Variants in HNRNPUL1 observed in about 807,000 individuals in gnomAD.
The protein encoded by HNRNPUL1 is heterogeneous nuclear ribonucleoprotein U-like protein 1.
HNRNPUL1 carries 14 observed loss-of-function variants against 108.5 expected under a neutral mutation model. The ratio of observed to expected loss-of-function variants is 0.13; its 90% confidence interval spans 0.09 to 0.20. HNRNPUL1 has a LOEUF of 0.20. Among genes scored for constraint, HNRNPUL1 ranks in the 10% least tolerant of loss-of-function variants. The pLI, the probability that HNRNPUL1 is intolerant of heterozygous loss-of-function variation, is 1.00. For synonymous variants in HNRNPUL1, 422 were observed against 445.2 expected (o/e 0.95, Z 0.66); for missense variants, 804 against 1,168.3 (o/e 0.69, Z 4.55).
In HNRNPUL1 at chr19:41,272,213, T is replaced by G; in HGVS notation, c.550T>G (p.Phe184Val). The G allele has an allele frequency of 6.2e-7, 1 of 1,613,704 alleles. No individual in the cohort carries two copies. The highest frequency in any genetic ancestry group is 8.5e-7 in the Non-Finnish European group (1 of 1,179,884). The change falls in exon 3 of 15, where the codon TTT (phenylalanine) becomes GTT (valine). Residue 184 changes from phenylalanine (F) to valine (V), a missense_variant. Phe to Val is a conservative substitution (Grantham distance 50, BLOSUM62 -1). This residue lies in a region of HNRNPUL1 where 256 missense variants were observed against 261.6 expected (regional missense o/e 0.98). Transcript: ENST00000392006. ...TGAAGAAAACCGGGGACGGGGGTAC[T>G]TTGAGCACCGAGAGGATAGGAGGTG... ...PYEENRGRGY[F>V]EHREDRRGRS...
intron 4 of HNRNPUL1, among the ~76,000 whole-genome samples, chr19:41,275,918 C>G (rs1191235598): frequency 1.3e-5 from 2 of 152,114 alleles, no homozygotes; most frequent in Non-Finnish European, 2.9e-5. Flanking sequence ...GCCTGGCCAA[C>G]ATGGAGAAAC....
chr19:41,269,017 G>A (rs2035040035), intron 2 of HNRNPUL1, among the ~76,000 whole-genome samples: 1 of 152,052 alleles, frequency 6.6e-6, no homozygotes, highest in South Asian at 2.1e-4. Context: ...TGTTTCAGGG[G>A]ATATTATTAG....
intron 1 of HNRNPUL1, chr19:41,265,116 C>G (rs996193965): frequency 3.2e-5 from 45 of 1,419,030 alleles, no homozygotes; most frequent in Non-Finnish European, 4.1e-5. Context: ...GTCGGAAGAA[C>G]AAGAGGTTTT....
At chr19:41,264,132 C>T (rs1466238302), upstream of HNRNPUL1, among the ~76,000 whole-genome samples, 1 of 152,246 alleles carries the variant, frequency 6.6e-6, no homozygotes, top group Non-Finnish European at 1.5e-5. Context: ...GCGAGAGTTA[C>T]CCAATCAGCA....
chr19:41,266,097 A>G (rs2082468235), intron 1 of HNRNPUL1, among the ~76,000 whole-genome samples: 1 of 152,066 alleles, frequency 6.6e-6, no homozygotes, highest in South Asian at 2.1e-4. Flanking sequence ...GTCTGAGGAG[A>G]GGAAAACCTG....
chr19:41,266,377 C>G (rs963524556), intron 1 of HNRNPUL1, among the ~76,000 whole-genome samples: 1 of 152,006 alleles, frequency 6.6e-6, no homozygotes, highest in Non-Finnish European at 1.5e-5. Context: ...AGGTTGCAGT[C>G]AGCCGAGATT....
chr19:41,299,505 C>A (rs1477403278), intron 10 of HNRNPUL1, among the ~76,000 whole-genome samples: 2 of 152,208 alleles, frequency 1.3e-5, no homozygotes, highest in Non-Finnish European at 2.9e-5. Context: ...TGGGAAGCCT[C>A]TCCTGGATAG....
At chr19:41,270,135 A>T (rs1352555974) in intron 2 of HNRNPUL1, among the ~76,000 whole-genome samples, 1 of 152,110 alleles carries the variant, frequency 6.6e-6, no homozygotes, top group Non-Finnish European at 1.5e-5. Context: ...GGCGCCTGCC[A>T]CCACACCTGG....
chr19:41,292,561 GAGAC>G lies in HNRNPUL1; in HGVS notation c.1266+52_1266+55del. On this transcript the variant is annotated intron_variant, in intron 8 of 14. Transcript: ENST00000392006. This position sits in a 1 kb window ranked among gnomAD's most constrained non-coding sequence, Gnocchi z 4.1. ...TGGCCACCTTGCTGCCAAGACAGAG[GAGAC>G]ACACACACACACACACACACAGACT... The G allele has an allele frequency of 3.2e-6, 5 of 1,570,250 alleles. No individual in the cohort carries two copies. The highest frequency in any genetic ancestry group is 4.3e-6 in the Non-Finnish European group (5 of 1,152,750).
chr19:41,264,224 C>G, upstream of HNRNPUL1: 1 of 338,752 alleles, frequency 3.0e-6, no homozygotes, highest in Non-Finnish European at 5.3e-6. Context: ...CCAGTAGCTC[C>G]TAGGCCTTCT....
At chr19:41,303,122 C>A (rs1477562316) in intron 12 of HNRNPUL1, among the ~76,000 whole-genome samples, 173 bp downstream of exon 12, 1 of 152,178 alleles carries the variant, frequency 6.6e-6, no homozygotes, top group Non-Finnish European at 1.5e-5. Context: ...TCCCACTTTC[C>A]CACTCCCTGG....
intron 7 of HNRNPUL1, among the ~76,000 whole-genome samples, chr19:41,285,100 C>T: frequency 6.6e-6 from 1 of 151,850 alleles, no homozygotes; most frequent in Admixed American, 6.6e-5. Context: ...AGATCTAAAG[C>T]TGCTGAATTT....
chr19:41,283,460 G>T (rs958733967), intron 7 of HNRNPUL1, among the ~76,000 whole-genome samples: 3 of 151,056 alleles, frequency 2.0e-5, no homozygotes, highest in African/African-American at 7.3e-5. Context: ...ATTGTTTTTT[G>T]TTTGTTTTGT....
At chr19:41,275,001 G>A (rs576035678) in intron 4 of HNRNPUL1, among the ~76,000 whole-genome samples, 2 of 152,250 alleles carry the variant, frequency 1.3e-5, no homozygotes, top group South Asian at 4.1e-4. Flanking sequence ...AGCGCCTCAT[G>A]GGAGGGATGG....
chr19:41,273,885 T>G, intron 3 of HNRNPUL1, 97 bp from the exon 4 acceptor site: 2 of 945,880 alleles, frequency 2.1e-6, no homozygotes, highest in Non-Finnish European at 3.3e-6. Context: ...CAGGAAGCAG[T>G]CTGGAGGCCA....
At chr19:41,266,459 C>T (rs2034850314) in intron 1 of HNRNPUL1, among the ~76,000 whole-genome samples, 1 of 147,852 alleles carries the variant, frequency 6.8e-6, no homozygotes, top group South Asian at 2.1e-4. Flanking sequence ...AGCTTTCTTT[C>T]TCTTTTTTTT....
upstream of HNRNPUL1, chr19:41,263,052 A>C (rs1599749335): frequency 6.6e-6 from 1 of 152,026 alleles, no homozygotes; most frequent in Non-Finnish European, 1.5e-5. Context: ...AAAAAAAAAA[A>C]AAAAAAAAAA....
chr19:41,306,512 T>G lies in HNRNPUL1; in HGVS notation c.2518T>G (p.Tyr840Asp). The change falls in exon 15 of 15, where the codon TAC becomes GAC. Residue 840 changes from tyrosine (Y) to aspartate (D), a missense_variant. Tyr to Asp is a radical substitution (Grantham distance 160, BLOSUM62 -3). Around this residue, in one of 4 missense-constraint regions of HNRNPUL1, gnomAD observed 294 missense variants for 388.3 expected, o/e 0.76. Coordinates refer to ENST00000392006, the MANE Select transcript of HNRNPUL1 (RefSeq NM_007040.6). Reference sequence around the variant, plus strand: ...CCAGTGGCCGCCATACTACGGGAACTACGACTACGGGAGCTACTCCGGGAA... The same window carrying G: ...CCAGTGGCCGCCATACTACGGGAACGACGACTACGGGAGCTACTCCGGGAA... ...QGQWPPYYGN[Y>D]DYGSYSGNTQ... 1 of 1,606,620 alleles carries G rather than the reference T, an allele frequency of 6.2e-7. No individual in the cohort carries two copies. Among genetic ancestry groups the G allele is most frequent in the Middle Eastern group, 1.7e-4 (1 of 6,024 alleles).
In HNRNPUL1 at chr19:41,304,125, A is replaced by G; in HGVS notation, c.2126A>G (p.Gln709Arg). The G allele has an allele frequency of 1.2e-6, 2 of 1,613,684 alleles. No individual in the cohort carries two copies. Among genetic ancestry groups the G allele is most frequent in the Non-Finnish European group, 1.7e-6 (2 of 1,179,708 alleles). ...QQPPPPQPPPQQPPPPPSYSP... is the reference protein window; with the variant it reads ...QQPPPPQPPPRQPPPPPSYSP... ...CCTCCGCCACCACAGCCACCACCCC[A>G]GCAGCCACCGCCACCACCCAGCTAC... The change falls in exon 13 of 15, where the codon CAG becomes CGG. Residue 709 changes from glutamine to arginine, a missense_variant. By Grantham distance (43) the Gln-to-Arg change is conservative. This residue lies in a region of HNRNPUL1 where 294 missense variants were observed against 388.3 expected (regional missense o/e 0.76). Coordinates refer to ENST00000392006, the MANE Select transcript of HNRNPUL1 (RefSeq NM_007040.6).
Sources: gnomAD v4.1 joint callset for allele counts (sites outside exome capture counted in the v4.1 genomes callset) on GRCh38, gnomAD v4.1.1 for gene constraint, gnomAD v4.1.1 regional missense constraint, Gnocchi (gnomAD v3.1) non-coding constraint, MANE v1.5 for transcripts, NCBI Gene and HGNC (gene_info 2026-07-23, HGNC 2026-07-21) for gene names.